Variants in MPP7 observed in about 807,000 individuals in gnomAD.
MPP7 encodes MAGUK p55 subfamily member 7.
Under a neutral mutation model 76.5 loss-of-function variants are expected in MPP7, and 60 were observed. The ratio of observed to expected loss-of-function variants is 0.78; its 90% CI spans 0.64 to 0.97. The LOEUF (loss-of-function observed/expected upper bound fraction) is 0.97, where lower values mean the gene tolerates loss of function less well. MPP7 is among the 50% of genes least tolerant of loss of function. The probability of loss-of-function intolerance (pLI) is 0.00; values close to 1 mark genes in which losing one functional copy is unlikely to be tolerated. For missense variants in MPP7, 641 were observed against 694.0 expected (o/e 0.92, Z 0.86); for synonymous variants, 237 against 244.5 (o/e 0.97, Z 0.29).
At chr10:28,069,487 C>G (rs962898567) in intron 13 of MPP7, among the ~76,000 whole-genome samples, 3 of 152,014 alleles carry the variant, frequency 2.0e-5, no homozygotes, top group Middle Eastern at 3.4e-3. Flanking sequence ...GCCTGTACTC[C>G]CAGCTACTTG....
intron 1 of MPP7, among the ~76,000 whole-genome samples, chr10:28,246,651 G>A (rs1438117024): frequency 1.3e-5 from 2 of 152,128 alleles, no homozygotes; most frequent in East Asian, 1.9e-4. Flanking sequence ...CATGTCTTAT[G>A]TGGTGGCAGG....
intron 3 of MPP7, among the ~76,000 whole-genome samples, chr10:28,178,734 A>G (rs1429398148): frequency 6.6e-6 from 1 of 152,130 alleles, no homozygotes; most frequent in Non-Finnish European, 1.5e-5. Context: ...AGAACTTTGA[A>G]AAGTTCATGG....
intron 2 of MPP7, among the ~76,000 whole-genome samples, chr10:28,221,508 G>C (rs1192002701): frequency 6.6e-6 from 1 of 152,124 alleles, no homozygotes; most frequent in East Asian, 1.9e-4. Context: ...ATTCTACCAA[G>C]AGCAGTAACT....
intron 5 of MPP7, among the ~76,000 whole-genome samples, chr10:28,139,972 A>C (rs971553366): frequency 2.6e-5 from 4 of 152,200 alleles, no homozygotes; most frequent in Non-Finnish European, 5.9e-5. Flanking sequence ...TCAAACTAGA[A>C]ATTAACATCT....
intron 1 of MPP7, among the ~76,000 whole-genome samples, chr10:28,254,004 G>GAAAAAAAAAAAAAAAAAAAAAA (rs199511617): frequency 4.3e-5 from 4 of 92,334 alleles, no homozygotes; most frequent in Non-Finnish European, 8.2e-5. Context: ...TCACAAAAAA[G>GAAAAAAAAAAAAAAAAAAAAAA]AAAAAAAAAA....
intron 1 of MPP7, chr10:28,254,921 T>A (rs1165752903): frequency 6.6e-6 from 1 of 152,168 alleles, no homozygotes; most frequent in Non-Finnish European, 1.5e-5. Context: ...CACATGGACA[T>A]AATCGCTACA....
intron 2 of MPP7, among the ~76,000 whole-genome samples, chr10:28,232,309 G>A (rs2134114779): frequency 6.6e-6 from 1 of 151,870 alleles, no homozygotes; most frequent in Non-Finnish European, 1.5e-5. Context: ...AGCTACAACT[G>A]CACCACTGTA....
At chr10:28,108,658 AATAAT>A (rs1332894736) in intron 11 of MPP7, among the ~76,000 whole-genome samples, 21 of 146,276 alleles carry the variant, frequency 1.4e-4, no homozygotes, top group African/African-American at 5.6e-4. Flanking sequence ...CCCTGTCTCA[AATAAT>A]AAAATAAAAT....
chr10:28,305,054 G>C (rs1841244255), upstream of MPP7, among the ~76,000 whole-genome samples: 3 of 152,208 alleles, frequency 2.0e-5, no homozygotes, highest in South Asian at 6.2e-4. Context: ...CTTAATTTTG[G>C]GAAAGGAGAA....
intron 1 of MPP7, among the ~76,000 whole-genome samples, chr10:28,274,731 C>T (rs1470003633): frequency 6.6e-6 from 1 of 152,198 alleles, no homozygotes; most frequent in Non-Finnish European, 1.5e-5. Context: ...TTCCTCTCTA[C>T]TTCCTGCTAC....
intron 11 of MPP7, among the ~76,000 whole-genome samples, chr10:28,096,862 A>C (rs546583114): frequency 5.3e-5 from 8 of 152,352 alleles, no homozygotes; most frequent in African/African-American, 1.9e-4. Flanking sequence ...ATGGTCTCAG[A>C]AATACTGAAC....
intron 5 of MPP7, among the ~76,000 whole-genome samples, chr10:28,143,581 C>CGTGTGCTCTGTG (rs765475349): frequency 2.0e-5 from 3 of 151,680 alleles, no homozygotes; most frequent in South Asian, 2.1e-4. Flanking sequence ...GTATTCCTAT[C>CGTGTGCTCTGTG]TTTGTGGATC....
rs569785749 is a variant in MPP7 at position 28,181,841 on chromosome 10, C to T, written c.156+20312G>A. Reference sequence around the variant, plus strand: ...AATATTAGATCAGTTCAAACAGTCCCAGAGGACCCCGCTAGAGCCAGCACA... The same window carrying T: ...AATATTAGATCAGTTCAAACAGTCCTAGAGGACCCCGCTAGAGCCAGCACA... On this transcript the variant is annotated intron_variant, in intron 3 of 16. Coordinates refer to ENST00000683449, the MANE Select transcript of MPP7 (RefSeq NM_001318170.2). Among the ~76,000 whole-genome samples, 159 of 152,282 alleles carry T rather than the reference C, an allele frequency of 1.0e-3. 4 individuals are homozygous for T. In the South Asian group the frequency reaches 0.033, roughly 31 times the overall value.
At chr10:28,283,487 A>C (rs1280963609) in intron 1 of MPP7, among the ~76,000 whole-genome samples, 25 of 151,960 alleles carry the variant, frequency 1.6e-4, no homozygotes, top group Admixed American at 1.6e-3. Flanking sequence ...GTAAACACCA[A>C]GTTCATACCA....
intron 2 of MPP7, among the ~76,000 whole-genome samples, chr10:28,318,863 C>A (rs1589047839): frequency 1.3e-5 from 2 of 152,336 alleles, no homozygotes; most frequent in East Asian, 3.9e-4. Flanking sequence ...TTTCTCTTCA[C>A]AAGTTACATG....
intron 2 of MPP7, among the ~76,000 whole-genome samples, chr10:28,323,848 G>T (rs1182581279): frequency 6.6e-6 from 1 of 152,124 alleles, no homozygotes; most frequent in African/African-American, 2.4e-5. Context: ...ACCTCTTCAA[G>T]TCATGGTGTC....
At chr10:28,199,209 T>C (rs116605081) in intron 3 of MPP7, among the ~76,000 whole-genome samples, 1 of 152,192 alleles carries the variant, frequency 6.6e-6, no homozygotes, top group African/African-American at 2.4e-5. Context: ...CGCGGGGTCC[T>C]TCCCACAACA....
At chr10:28,265,638 A>G (rs774619961) in intron 1 of MPP7, among the ~76,000 whole-genome samples, 2 of 152,190 alleles carry the variant, frequency 1.3e-5, no homozygotes, top group Non-Finnish European at 2.9e-5. Context: ...ATGGTTTCTC[A>G]GTGTAAAATG....
intron 12 of MPP7, among the ~76,000 whole-genome samples, chr10:28,080,814 T>C (rs1300203066): frequency 6.6e-6 from 1 of 152,242 alleles, no homozygotes; most frequent in Non-Finnish European, 1.5e-5. Context: ...AGGAATTTCA[T>C]TATGACTTTC....
Sources: gnomAD v4.1 joint callset for allele counts (sites outside exome capture counted in the v4.1 genomes callset) on GRCh38, gnomAD v4.1.1 for gene constraint, MANE v1.5 for transcripts, NCBI Gene and HGNC (gene_info 2026-07-23, HGNC 2026-07-21) for gene names.